The following MYO16 variants were observed in gnomAD, a reference collection of about 807,000 sequenced individuals.
The protein encoded by MYO16 is unconventional myosin-XVI.
A neutral mutation model predicts 205.3 loss-of-function variants in MYO16; 94 were observed. The observed-to-expected ratio is 0.46, with a 90% CI of 0.39 to 0.54. The LOEUF is 0.54. MYO16 is among the 20% of genes least tolerant of loss of function. MYO16 has a pLI of 0.00. For missense variants in MYO16, 2,315 were observed against 2,387.5 expected, an observed-to-expected ratio of 0.97 and a Z score of 0.63; for synonymous variants, 988 against 954.0, an observed-to-expected ratio of 1.04 and a Z score of -0.66.
Position 108,986,461 on chromosome 13 carries a change from A to G in MYO16, c.2370-5915A>G, listed in dbSNP as rs182460117. 7.3e-3 allele frequency among the ~76,000 whole-genome samples: 1,105 copies of G among 151,896 alleles called. 11 individuals carry two copies. Among genetic ancestry groups the G allele is most frequent in the Non-Finnish European group, 0.013 (885 of 67,930 alleles). ...AACATGGAGAAACTCTGTCTCTACT[A>G]AAAAAACAAAATTAGCTGTGTGTGG... On this transcript the variant is annotated intron_variant, in intron 20 of 34. Coordinates refer to ENST00000457511, the MANE Select transcript of MYO16 (RefSeq NM_001198950.3).
At chr13:109,123,998 T>C (rs1317319813) in intron 29 of MYO16, among the ~76,000 whole-genome samples, 1 of 152,144 alleles carries the variant, frequency 6.6e-6, no homozygotes, top group Non-Finnish European at 1.5e-5. Context: ...ACTTTTAAAA[T>C]TGGGAGAGAC....
chr13:108,686,388 A>T (rs1882678201), intron 2 of MYO16, among the ~76,000 whole-genome samples: 1 of 152,234 alleles, frequency 6.6e-6, no homozygotes, highest in African/African-American at 2.4e-5. Context: ...CACACGTATT[A>T]AAATATCTAA....
chr13:108,703,584 A>G (rs2139525187), intron 2 of MYO16, among the ~76,000 whole-genome samples: 1 of 152,314 alleles, frequency 6.6e-6, no homozygotes, highest in Admixed American at 6.5e-5. Flanking sequence ...ATACTCTTCC[A>G]CAACAGCAGA....
In MYO16 at chr13:109,003,603, T is replaced by C. The variant is rs34979301; in HGVS notation, c.2443-5294T>C. ...AAAAGGAAGAAAGCTGAGACCTGGC[T>C]TCTTCCCGTCCTTGTGTTTGCCACG... On this transcript the variant is annotated intron_variant, in intron 21 of 34. Coordinates refer to ENST00000457511, the MANE Select transcript of MYO16 (RefSeq NM_001198950.3). 3.6e-3 allele frequency among the ~76,000 whole-genome samples: 543 copies of C among 152,354 alleles called. 3 individuals carry two copies. Among genetic ancestry groups the C allele is most frequent in the South Asian group, 5.6e-3 (27 of 4,826 alleles).
the MYO16 span, among the ~76,000 whole-genome samples, chr13:108,502,901 A>G: frequency 1.3e-5 from 2 of 152,212 alleles, no homozygotes. Context: ...TTAAATCTAT[A>G]TGCAAGAGCA....
At chr13:108,605,944 G>T (rs1423670581) in intron 1 of MYO16, among the ~76,000 whole-genome samples, 2 of 152,198 alleles carry the variant, frequency 1.3e-5, no homozygotes, top group African/African-American at 4.8e-5. Context: ...AATTCTGATA[G>T]TGATATGGAC....
Position 108,972,376 on chromosome 13 carries a change from A to C in MYO16, c.2369+7474A>C, listed in dbSNP as rs1164964797. Among the ~76,000 whole-genome samples the C allele has an allele frequency of 7.6e-4, 47 of 61,910 alleles. 7 individuals carry two copies. The East Asian group carries it at 0.013, about 17-fold the overall frequency. 40.6% of individuals were successfully genotyped at this position (61,910 alleles called of 152,430 possible). On this transcript the variant is annotated intron_variant, in intron 20 of 34. Transcript: ENST00000457511. ...CATATATATATATATATATATATATATATATATATATATATATATATAGTG... is the reference window on the plus strand; with the variant it reads ...CATATATATATATATATATATATATCTATATATATATATATATATATAGTG...
At chr13:108,656,478 G>T (rs142130383) in intron 1 of MYO16, among the ~76,000 whole-genome samples, 1 of 152,248 alleles carries the variant, frequency 6.6e-6, no homozygotes, top group Non-Finnish European at 1.5e-5. Flanking sequence ...GTCAGCGGGG[G>T]ATGGGTAAAG....
At chr13:108,660,368 A>G (rs181988583) in intron 1 of MYO16, among the ~76,000 whole-genome samples, 119 of 152,244 alleles carry the variant, frequency 7.8e-4, no homozygotes, top group African/African-American at 2.6e-3. Flanking sequence ...AGTGCTGTCA[A>G]TGGAGTATTG....
chr13:108,539,318 C>A, the MYO16 span, among the ~76,000 whole-genome samples: 4 of 152,204 alleles, frequency 2.6e-5, no homozygotes, highest in South Asian at 8.3e-4. Context: ...CTGTACATTG[C>A]AAGGCAGGAC....
chr13:108,564,471 T>C, the MYO16 span, among the ~76,000 whole-genome samples: 5 of 152,170 alleles, frequency 3.3e-5, no homozygotes, highest in Admixed American at 6.5e-5. Flanking sequence ...ACCCGGTCCC[T>C]ATTGCCCATT....
chr13:108,838,376 C>T (rs1877039880), intron 9 of MYO16, among the ~76,000 whole-genome samples: 3 of 151,778 alleles, frequency 2.0e-5, no homozygotes, highest in South Asian at 4.2e-4. Flanking sequence ...AGGGAAAGGC[C>T]ATGAACGGTG....
At chr13:109,007,412 A>G (rs1594464148) in intron 21 of MYO16, among the ~76,000 whole-genome samples, 2 of 152,234 alleles carry the variant, frequency 1.3e-5, no homozygotes, top group Admixed American at 1.3e-4. Context: ...AAAAAAAAGA[A>G]ATGTGCACAT....
the MYO16 span, among the ~76,000 whole-genome samples, chr13:108,588,685 T>C: frequency 9.7e-4 from 147 of 152,274 alleles, no homozygotes; most frequent in African/African-American, 3.3e-3. Flanking sequence ...TGATTAGTTA[T>C]GGTGAATTGG....
chr13:108,735,206 G>T (rs1294104106), intron 4 of MYO16, among the ~76,000 whole-genome samples: 1 of 151,984 alleles, frequency 6.6e-6, no homozygotes, highest in Non-Finnish European at 1.5e-5. Flanking sequence ...TTGGTGTGCT[G>T]CACCCATTAA....
intron 3 of MYO16, among the ~76,000 whole-genome samples, chr13:108,713,348 G>GT (rs1278293978): frequency 6.6e-6 from 1 of 152,156 alleles, no homozygotes; most frequent in Non-Finnish European, 1.5e-5. Flanking sequence ...AGAAATTAAT[G>GT]TAAGATATCA....
intron 15 of MYO16, among the ~76,000 whole-genome samples, chr13:108,902,262 G>A (rs997509763): frequency 6.6e-6 from 1 of 152,184 alleles, no homozygotes; most frequent in Non-Finnish European, 1.5e-5. Flanking sequence ...TAAGCAAGAG[G>A]AAGGGGCAGA....
chr13:108,904,072 T>G (rs1296713334), intron 15 of MYO16, among the ~76,000 whole-genome samples: 1 of 152,152 alleles, frequency 6.6e-6, no homozygotes, highest in Non-Finnish European at 1.5e-5. Flanking sequence ...CTTTTATAAT[T>G]TAATGTCAAT....
chr13:108,525,404 C>T, the MYO16 span, among the ~76,000 whole-genome samples: 1 of 152,148 alleles, frequency 6.6e-6, no homozygotes, highest in African/African-American at 2.4e-5. Flanking sequence ...GAGTGCTGTG[C>T]TCTGCTCACA....
Sources: allele counts gnomAD v4.1 joint callset (sites outside exome capture counted in the v4.1 genomes callset), GRCh38; gene constraint gnomAD v4.1.1; transcripts MANE v1.5; gene names NCBI Gene and HGNC (gene_info 2026-07-23, HGNC 2026-07-21).